BTBD1: variants seen among roughly 807,000 people sequenced by gnomAD.
BTBD1 encodes the protein BTB domain containing 1.
In BTBD1, 34 loss-of-function variants were observed where a neutral mutation model predicts 48.0. The ratio of observed to expected loss-of-function variants is 0.71; its 90% CI spans 0.54 to 0.94. BTBD1 has a LOEUF of 0.94. Ranked by LOEUF, BTBD1 falls within the 40% of genes least tolerant of loss-of-function variation. BTBD1 has a pLI of 0.00. For synonymous variants in BTBD1, 261 were observed against 242.1 expected (o/e 1.08, Z -0.72); for missense variants, 543 against 625.6 (o/e 0.87, Z 1.41).
chr15:83,030,921 A>T (rs1290355200), intron 4 of BTBD1, among the ~76,000 whole-genome samples: 1 of 152,204 alleles, frequency 6.6e-6, no homozygotes, highest in Non-Finnish European at 1.5e-5. Flanking sequence ...AGAAAAAAAA[A>T]ACAAATAATC....
intron 5 of BTBD1, chr15:83,024,161 A>G (rs1456818224): frequency 2.0e-5 from 3 of 152,192 alleles, no homozygotes; most frequent in Non-Finnish European, 2.9e-5. Context: ...GTGACTCACC[A>G]TGCCCAGCCT....
intron 7 of BTBD1, 136 bp downstream of exon 7, chr15:83,018,571 G>T: frequency 1.1e-6 from 1 of 933,432 alleles, no homozygotes; most frequent in Non-Finnish European, 1.6e-6. Context: ...TCGGAAGGCA[G>T]TGGAATATTT....
Position 83,066,866 on chromosome 15 carries a change from C to G in BTBD1, c.286G>C (p.Val96Leu). ...GPQRIPAHRF[V>L]LAAGSAVFDA... is the part of the protein sequence containing the mutation. ...AAGACGGCGCTGCCGGCCGCCAGCA[C>G]GAAGCGGTGGGCGGGGATGCGCTGC... The change falls in exon 1 of 8, where the codon GTG becomes CTG. Residue 96 changes from valine (V) to leucine (L), a missense_variant. By Grantham distance (32) the Val-to-Leu change is conservative. Coordinates refer to ENST00000261721, the MANE Select transcript of BTBD1 (RefSeq NM_025238.4). 2.7e-6 allele frequency: 4 copies of G among 1,471,564 alleles called. No homozygotes were observed. The highest frequency in any genetic ancestry group is 1.5e-5 in the African/African-American group (1 of 68,186). The allele number at this position is 1,471,564 out of a possible 1,614,324, so 91.2% of individuals were successfully genotyped here.
chr15:83,050,430 TTGTGTGTGTGTGTG>T (rs71927319), intron 2 of BTBD1, among the ~76,000 whole-genome samples: 7 of 146,148 alleles, frequency 4.8e-5, no homozygotes, highest in African/African-American at 1.5e-4. Flanking sequence ...TTTTATGTGC[TTGTGTGTGTGTGTG>T]TGTGTGTGTG....
At chr15:83,059,610 G>A (rs950399390) in intron 1 of BTBD1, among the ~76,000 whole-genome samples, 1 of 152,146 alleles carries the variant, frequency 6.6e-6, no homozygotes, top group Admixed American at 6.5e-5. Context: ...TTTGAGACAG[G>A]GTCTCATTGT....
intron 5 of BTBD1, chr15:83,029,463 C>T (rs902482292): frequency 3.9e-5 from 6 of 152,024 alleles, no homozygotes; most frequent in Admixed American, 3.9e-4. Flanking sequence ...AAAGAAAAAA[C>T]TCACACTAAA....
At chr15:83,028,795 A>G (rs908449291) in intron 5 of BTBD1, 4 of 152,202 alleles carry the variant, frequency 2.6e-5, no homozygotes, top group Non-Finnish European at 5.9e-5. Context: ...GAATTAAAAT[A>G]AAAATGTCAG....
chr15:83,061,161 AT>A (rs1435718060), intron 1 of BTBD1, among the ~76,000 whole-genome samples: 1 of 152,200 alleles, frequency 6.6e-6, no homozygotes, highest in Non-Finnish European at 1.5e-5. Context: ...GGTATAGACT[AT>A]TGCTTCAGGG....
At chr15:83,033,777 C>T (rs1017143107) in intron 4 of BTBD1, among the ~76,000 whole-genome samples, 7 of 151,866 alleles carry the variant, frequency 4.6e-5, no homozygotes, top group Non-Finnish European at 1.0e-4. Context: ...GACAGGGTTT[C>T]GCCATTTTGC....
Position 83,039,971 on chromosome 15 carries a change from G to A in BTBD1, c.862+1757C>T, listed in dbSNP as rs932979846. ...CCTGGGTGCCCATCAGTGGTAGACT[G>A]GGTAGAGAATGTGACACACACACAC... On this transcript the variant is annotated intron_variant, in intron 4 of 7. Coordinates refer to ENST00000261721, the MANE Select transcript of BTBD1 (RefSeq NM_025238.4). 4.8e-5 allele frequency among the ~76,000 whole-genome samples: 7 copies of A among 146,492 alleles called. No individual in the cohort carries two copies. In the Admixed American group the frequency reaches 4.9e-4, roughly 10 times the overall value.
intron 6 of BTBD1, among the ~76,000 whole-genome samples, 187 bp from the exon 7 acceptor site, chr15:83,019,040 C>T (rs1185547546): frequency 6.7e-6 from 1 of 149,860 alleles, no homozygotes; most frequent in African/African-American, 2.5e-5. Context: ...CAGACTCTCT[C>T]ACTCTGTTGG....
At chr15:83,051,581 T>C (rs2032982912) in intron 2 of BTBD1, among the ~76,000 whole-genome samples, 1 of 151,208 alleles carries the variant, frequency 6.6e-6, no homozygotes, top group African/African-American at 2.4e-5. Flanking sequence ...ACTGAGCCTG[T>C]TTACAATAAT....
chr15:83,038,652 A>G (rs2032677286), intron 4 of BTBD1, among the ~76,000 whole-genome samples: 1 of 152,214 alleles, frequency 6.6e-6, no homozygotes, highest in African/African-American at 2.4e-5. Context: ...TTCAAACTAT[A>G]CTATAAGGCT....
chr15:83,020,619 A>C, intron 6 of BTBD1, 56 bp downstream of exon 6: 1 of 1,187,396 alleles, frequency 8.4e-7, no homozygotes, highest in Non-Finnish European at 1.2e-6. Context: ...ACAATATCTT[A>C]AAGTTACCTG....
At chr15:83,052,961 CAACTATA>C (rs1384076470) in intron 2 of BTBD1, among the ~76,000 whole-genome samples, 1 of 151,768 alleles carries the variant, frequency 6.6e-6, no homozygotes, top group East Asian at 1.9e-4. Flanking sequence ...TTGGCCAACT[CAACTATA>C]TTTTTAGTTG....
At chr15:83,064,415 G>A (rs187613793) in intron 1 of BTBD1, among the ~76,000 whole-genome samples, 4 of 151,580 alleles carry the variant, frequency 2.6e-5, no homozygotes, top group Non-Finnish European at 4.4e-5. Flanking sequence ...GTTTTACAAT[G>A]TGAAAAAAAA....
intron 5 of BTBD1, chr15:83,029,802 G>T (rs1813903531): frequency 4.3e-6 from 1 of 233,666 alleles, no homozygotes; most frequent in Non-Finnish European, 8.3e-6. Context: ...CCCAGAAGGC[G>T]GAGGTTGCAG....
intron 1 of BTBD1, among the ~76,000 whole-genome samples, chr15:83,060,587 A>C (rs1471238722): frequency 6.6e-6 from 1 of 152,068 alleles, no homozygotes; most frequent in African/African-American, 2.4e-5. Flanking sequence ...TGGGGTCAGG[A>C]GTTTGAGACC....
intron 2 of BTBD1, among the ~76,000 whole-genome samples, chr15:83,055,948 C>T (rs992652416): frequency 1.3e-5 from 2 of 151,922 alleles, no homozygotes; most frequent in African/African-American, 4.8e-5. Context: ...CTCTAACATG[C>T]TTTTTTTTGT....
Sources: allele counts gnomAD v4.1 joint callset (sites outside exome capture counted in the v4.1 genomes callset), GRCh38; gene constraint gnomAD v4.1.1; transcripts MANE v1.5; gene names NCBI Gene and HGNC (gene_info 2026-07-23, HGNC 2026-07-21).